NHLH1: variants seen among roughly 807,000 people sequenced by gnomAD.
NHLH1 encodes helix-loop-helix protein 1.
A neutral mutation model predicts 6.7 loss-of-function variants in NHLH1; 3 were observed. That is an observed-to-expected ratio of 0.44 (90% CI 0.20 to 1.15). The LOEUF is 1.15. Ranked by LOEUF, NHLH1 falls within the 50% of genes most tolerant of loss-of-function variation. NHLH1 has a pLI of 0.26. For missense variants in NHLH1, 177 were observed against 189.5 expected (o/e 0.93, Z 0.39); for synonymous variants, 92 against 84.2 (o/e 1.09, Z -0.51).
intron 1 of NHLH1, 128 bp downstream of exon 1, chr1:160,367,465 C>G (rs1437041911): frequency 6.5e-6 from 1 of 152,810 alleles, no homozygotes; most frequent in South Asian, 2.1e-4. Context: ...TCCGCGTGTC[C>G]CTCTTCTCCA....
rs1485786955 is a variant in NHLH1 at position 160,372,654 on chromosome 1, A to G, written c.*1521A>G. ...TGGATGTCCTTCCTCAACTCCCTCCACCCCTAGACAATCCTACCTGGTCCC... is the reference window on the plus strand; with the variant it reads ...TGGATGTCCTTCCTCAACTCCCTCCGCCCCTAGACAATCCTACCTGGTCCC... On this transcript the variant is annotated 3_prime_UTR_variant, in exon 2 of 2. Coordinates refer to ENST00000302101, the MANE Select transcript of NHLH1 (RefSeq NM_005598.4). 1 of 165,360 alleles carries G rather than the reference A, an allele frequency of 6.0e-6. No homozygotes were observed. The highest frequency in any genetic ancestry group is 1.9e-4 in the East Asian group (1 of 5,136). 10.2% of individuals were successfully genotyped at this position (165,360 alleles called of 1,614,324 possible).
Position 160,372,750 on chromosome 1 carries a change from C to T in NHLH1, c.*1617C>T, listed in dbSNP as rs1475041899. 6.0e-6 allele frequency: 1 copy of T among 166,862 alleles called. No individual in the cohort carries two copies. The highest frequency in any genetic ancestry group is 1.5e-5 in the Non-Finnish European group (1 of 68,138). The allele number at this position is 166,862 out of a possible 1,614,324, so 10.3% of individuals were successfully genotyped here. A position where few individuals can be genotyped will look rare whatever the true frequency, so the allele number is the denominator to read the frequency against. On this transcript the variant is annotated 3_prime_UTR_variant, in exon 2 of 2. Coordinates refer to ENST00000302101, the MANE Select transcript of NHLH1 (RefSeq NM_005598.4). ...TTCCTGATACTCCCAAGAGCAGGCC[C>T]CAGGGGTCTGTGTCACATATCTCTG...
rs2101921929 is a variant in NHLH1, at chr1:160,372,269, G to T, written c.*1136G>T. On this transcript the variant is annotated 3_prime_UTR_variant, in exon 2 of 2. Coordinates refer to ENST00000302101, the MANE Select transcript of NHLH1 (RefSeq NM_005598.4). ...GAAGGGCCTTAGAACCTGCATAGAA[G>T]AAATGAACTCACTGCATTTCTGTGC... 6.0e-6 allele frequency: 1 copy of T among 167,192 alleles called. No homozygotes were observed. The highest frequency in any genetic ancestry group is 1.9e-4 in the East Asian group (1 of 5,194). The allele number at this position is 167,192 out of a possible 1,614,324, so 10.4% of individuals were successfully genotyped here.
rs1025470159 is a variant in NHLH1 at position 160,372,264 on chromosome 1, T to A, written c.*1131T>A. On this transcript the variant is annotated 3_prime_UTR_variant, in exon 2 of 2. Transcript: ENST00000302101. ...GGAATGAAGGGCCTTAGAACCTGCATAGAAGAAATGAACTCACTGCATTTC... is the reference window on the plus strand; with the variant it reads ...GGAATGAAGGGCCTTAGAACCTGCAAAGAAGAAATGAACTCACTGCATTTC... The A allele has an allele frequency of 2.4e-5, 4 of 167,114 alleles. No individual in the cohort carries two copies. The East Asian group carries it at 7.7e-4, about 32-fold the overall frequency. 10.4% of individuals were successfully genotyped at this position (167,114 alleles called of 1,614,324 possible).
At position 160,370,632 on chromosome 1, in the gene NHLH1, C is replaced by A; in HGVS notation, c.-100C>A. The A allele has an allele frequency of 8.2e-7, 1 of 1,217,656 alleles. No homozygotes were observed. The highest frequency in any genetic ancestry group is 1.2e-6 in the Non-Finnish European group (1 of 859,950). 75.4% of individuals were successfully genotyped at this position (1,217,656 alleles called of 1,614,324 possible). A position where few individuals can be genotyped will look rare whatever the true frequency, so the allele number is the denominator to read the frequency against. The stretch of plus-strand genomic sequence containing the variant: ...AGAGCTCAGTGGCAGACCCCACGAC[C>A]CTTCCTCCCCCTTCCTCCCCCTCCC... On this transcript the variant is annotated 5_prime_UTR_variant, in exon 2 of 2. Transcript: ENST00000302101.
chr1:160,370,668 T>A lies in NHLH1; in HGVS notation c.-64T>A, dbSNP rs1324165579. On this transcript the variant is annotated 5_prime_UTR_variant, in exon 2 of 2. Transcript: ENST00000302101. Reference sequence around the variant, plus strand: ...CTTCCTCCCCCTCCCACCACCAGCTTTCAAGCTCCCAGAGGGAGGGGTGGG... The same window carrying A: ...CTTCCTCCCCCTCCCACCACCAGCTATCAAGCTCCCAGAGGGAGGGGTGGG... 6.4e-7 allele frequency: 1 copy of A among 1,550,574 alleles called. No individual in the cohort carries two copies. Among genetic ancestry groups the A allele is most frequent in the African/African-American group, 1.4e-5 (1 of 73,606 alleles).
intron 1 of NHLH1, 131 bp from the exon 2 acceptor site, chr1:160,370,426 G>A: frequency 2.8e-5 from 1 of 35,612 alleles, no homozygotes; most frequent in Non-Finnish European, 5.3e-5. Context: ...ACCCCCACCA[G>A]TTTCTGCTGT....
Position 160,371,323 on chromosome 1 carries a change from T to A in NHLH1, c.*190T>A. 1 of 875,694 alleles carries A rather than the reference T, an allele frequency of 1.1e-6. No individual in the cohort carries two copies. The highest frequency in any genetic ancestry group is 1.7e-6 in the Non-Finnish European group (1 of 597,502). 54.2% of individuals were successfully genotyped at this position (875,694 alleles called of 1,614,324 possible). ...TCTCTGACCCAGGCACCTCGAGGGC[T>A]ATTCTCCTGGGTTCCTTCCGGGGTT... is the stretch of plus-strand genomic sequence containing the variant. On this transcript the variant is annotated 3_prime_UTR_variant, in exon 2 of 2. Transcript: ENST00000302101.
intron 1 of NHLH1, among the ~76,000 whole-genome samples, chr1:160,368,133 G>A (rs1324516721): frequency 6.6e-6 from 1 of 152,162 alleles, no homozygotes; most frequent in African/African-American, 2.4e-5. Context: ...CAAGGCTTGG[G>A]AGGATCCTAA....
rs1227222805 is a variant in NHLH1 at position 160,370,678 on chromosome 1, C to T, written c.-54C>T. The T allele has an allele frequency of 9.5e-6, 15 of 1,578,958 alleles. No individual in the cohort carries two copies. The highest frequency in any genetic ancestry group is 1.7e-4 in the Middle Eastern group (1 of 5,922). The stretch of plus-strand genomic sequence containing the variant: ...CTCCCACCACCAGCTTTCAAGCTCC[C>T]AGAGGGAGGGGTGGGGAGGGGATCC... On this transcript the variant is annotated 5_prime_UTR_variant, in exon 2 of 2. Transcript: ENST00000302101.
chr1:160,370,105 A>G (rs1035211359), intron 1 of NHLH1, among the ~76,000 whole-genome samples: 8 of 152,108 alleles, frequency 5.3e-5, no homozygotes, highest in African/African-American at 1.7e-4. Context: ...TTCGTCAATA[A>G]ATTAAAGTCT....
At chr1:160,369,468 C>T (rs920554297) in intron 1 of NHLH1, among the ~76,000 whole-genome samples, 7 of 152,190 alleles carry the variant, frequency 4.6e-5, no homozygotes, top group Non-Finnish European at 8.8e-5. Context: ...ATTCCTGGAG[C>T]ATATGGTAGT....
intron 1 of NHLH1, among the ~76,000 whole-genome samples, chr1:160,369,988 G>A (rs1310248165): frequency 6.6e-6 from 1 of 152,010 alleles, no homozygotes; most frequent in Non-Finnish European, 1.5e-5. Flanking sequence ...CTGTTGTTGA[G>A]TTGTAGGATT....
In NHLH1 at chr1:160,370,769, C is replaced by G. The variant is rs1282883956; in HGVS notation, c.38C>G (p.Pro13Arg). 6.2e-7 allele frequency: 1 copy of G among 1,612,960 alleles called. No individual in the cohort carries two copies. The highest frequency in any genetic ancestry group is 1.3e-5 in the African/African-American group (1 of 74,990). Reference sequence around the variant, plus strand: ...TCAGACACCATGGAGCTGGACCTGCCGCCCACCCACTCAGAGACTGAGTCG... The same window carrying G: ...TCAGACACCATGGAGCTGGACCTGCGGCCCACCCACTCAGAGACTGAGTCG... ...LNSDTMELDL[P>R]PTHSETESGF... The change falls in exon 2 of 2, where the codon CCG becomes CGG. Residue 13 changes from proline to arginine, a missense_variant. Physicochemically the swap from Pro to Arg is moderately radical, Grantham distance 103. Coordinates refer to ENST00000302101, the MANE Select transcript of NHLH1 (RefSeq NM_005598.4).
Position 160,370,749 on chromosome 1 carries a change from C to T in NHLH1, c.18C>T (p.Asp6=). 1 of 1,613,002 alleles carries T rather than the reference C, an allele frequency of 6.2e-7. No homozygotes were observed. Among genetic ancestry groups the T allele is most frequent in the Non-Finnish European group, 8.5e-7 (1 of 1,179,732 alleles). The change falls in exon 2 of 2, where the codon GAC becomes GAT. Residue 6 remains aspartate (D), a synonymous_variant. Coordinates refer to ENST00000302101, the MANE Select transcript of NHLH1 (RefSeq NM_005598.4). ...CTTCCATCATGATGCTCAACTCAGA[C>T]ACCATGGAGCTGGACCTGCCGCCCA... MMLNS[D]TMELDLPPTH...
rs762589291 is a variant in NHLH1 at position 160,370,904 on chromosome 1, T to C, written c.173T>C (p.Leu58Pro). 1 of 1,607,714 alleles carries C rather than the reference T, an allele frequency of 6.2e-7. No individual in the cohort carries two copies. Among genetic ancestry groups the C allele is most frequent in the Non-Finnish European group, 8.5e-7 (1 of 1,176,956 alleles). Residue 58 changes from leucine (L) to proline (P), a missense_variant, in exon 2 of 2, where the codon CTG (leucine) becomes CCG (proline). Transcript: ENST00000302101. Reference protein sequence around the residue: ...PEPGEPGRKDLQHLSREERRR... With the variant: ...PEPGEPGRKDPQHLSREERRR... ...CCGGGAGAGCCTGGCCGGAAAGACC[T>C]GCAGCATCTGAGCCGCGAGGAGCGC... is the stretch of plus-strand genomic sequence containing the variant.
intron 1 of NHLH1, among the ~76,000 whole-genome samples, chr1:160,368,526 G>A (rs1649545303): frequency 6.6e-6 from 1 of 152,176 alleles, no homozygotes; most frequent in African/African-American, 2.4e-5. Context: ...CCTCCAAAAG[G>A]GCCAGGGAAT....
At chr1:160,368,944 T>C (rs754181360) in intron 1 of NHLH1, among the ~76,000 whole-genome samples, 51 of 152,330 alleles carry the variant, frequency 3.3e-4, no homozygotes, top group Admixed American at 7.2e-4. Context: ...TATTTATTCA[T>C]TTAGATAAAA....
intron 1 of NHLH1, among the ~76,000 whole-genome samples, chr1:160,370,314 C>T (rs1054660344): frequency 6.6e-6 from 1 of 152,160 alleles, no homozygotes; most frequent in East Asian, 1.9e-4. Flanking sequence ...CTGTTCCTTT[C>T]CTGTTACTCG....
Sources: gnomAD v4.1 joint callset for allele counts (sites outside exome capture counted in the v4.1 genomes callset) on GRCh38, gnomAD v4.1.1 for gene constraint, MANE v1.5 for transcripts, NCBI Gene and HGNC (gene_info 2026-07-23, HGNC 2026-07-21) for gene names.